MYB: variants seen among roughly 807,000 people sequenced by gnomAD.
MYB encodes the protein transcriptional activator Myb.
In MYB, 28 loss-of-function variants were observed where a neutral mutation model predicts 92.9. The observed-to-expected ratio is 0.30, with a 90% CI of 0.22 to 0.41. The LOEUF is 0.41. Among genes scored for constraint, MYB ranks in the 10% least tolerant of loss-of-function variants. The pLI is 1.00. For synonymous variants in MYB, 295 were observed against 329.1 expected (o/e 0.90, Z 1.12); for missense variants, 679 against 929.3 (o/e 0.73, Z 3.50).
intron 3 of MYB, among the ~76,000 whole-genome samples, chr6:135,188,798 C>A (rs1483519423): frequency 6.6e-6 from 1 of 152,198 alleles, no homozygotes; most frequent in Non-Finnish European, 1.5e-5. Flanking sequence ...GCATGAGCCA[C>A]CGTGCCCAGC....
intron 9 of MYB, chr6:135,196,729 TAG>T (rs1562376961): frequency 7.3e-6 from 11 of 1,497,896 alleles, no homozygotes; most frequent in South Asian, 1.2e-5. Flanking sequence ...CATGCAGATG[TAG>T]AGTGTCGGGA....
intron 15 of MYB, among the ~76,000 whole-genome samples, chr6:135,204,621 A>G (rs951102705): frequency 1.1e-4 from 16 of 152,206 alleles, no homozygotes; most frequent in African/African-American, 3.6e-4. Context: ...GTATTATTGT[A>G]AAATAAGGAT....
At position 135,181,492 on chromosome 6, in the gene MYB, G is replaced by C; in HGVS notation, c.-22G>C. 1 of 1,125,978 alleles carries C rather than the reference G, an allele frequency of 8.9e-7. No individual in the cohort carries two copies. The highest frequency in any genetic ancestry group is 1.1e-6 in the Non-Finnish European group (1 of 920,830). The allele number at this position is 1,125,978 out of a possible 1,614,324, so 69.7% of individuals were successfully genotyped here. ...CGGTGCGGTCCCCGCGGCTCTCGGC[G>C]GAGCCCCGCGCCCGCCGCGCCATGG... is the stretch of plus-strand genomic sequence containing the variant. On this transcript the variant is annotated 5_prime_UTR_variant, in exon 1 of 16. Coordinates refer to ENST00000341911, the MANE Select transcript of MYB (RefSeq NM_001130173.2). This position sits in a 1 kb window ranked among gnomAD's most constrained non-coding sequence, Gnocchi z 5.3.
intron 11 of MYB, chr6:135,199,731 G>A (rs1329417347): frequency 1.1e-5 from 3 of 272,898 alleles, no homozygotes; most frequent in African/African-American, 6.8e-5. Flanking sequence ...TTGTAGTATG[G>A]GCTCTGTTTT....
chr6:135,192,280 T>G, intron 5 of MYB, 44 bp from the exon 6 acceptor site: 5 of 1,508,630 alleles, frequency 3.3e-6, no homozygotes, highest in Non-Finnish European at 4.6e-6. Context: ...TAATCTGAAT[T>G]GAAATTTTTG....
intron 15 of MYB, among the ~76,000 whole-genome samples, chr6:135,216,265 C>A (rs755259035): frequency 1.3e-5 from 2 of 152,144 alleles, no homozygotes; most frequent in Non-Finnish European, 2.9e-5. Flanking sequence ...TGCTCAAGTC[C>A]CTGATATAAA....
At chr6:135,191,580 A>C (rs1016326032) in intron 5 of MYB, among the ~76,000 whole-genome samples, 1 of 152,326 alleles carries the variant, frequency 6.6e-6, no homozygotes. Context: ...TAACAGGGCT[A>C]TTGAACTTCC....
At chr6:135,202,933 T>C (rs769402670) in intron 14 of MYB, 1 of 642,650 alleles carries the variant, frequency 1.6e-6, no homozygotes, top group Non-Finnish European at 2.9e-6. Flanking sequence ...ATGTATTTAT[T>C]AATTCATTTA....
At position 135,218,104 on chromosome 6, in the gene MYB, G is replaced by A. The variant is rs980357860; in HGVS notation, c.*124G>A. The A allele has an allele frequency of 1.4e-6, 1 of 739,096 alleles. No individual in the cohort carries two copies. Among genetic ancestry groups the A allele is most frequent in the Non-Finnish European group, 2.4e-6 (1 of 424,472 alleles). 45.8% of individuals were successfully genotyped at this position (739,096 alleles called of 1,614,324 possible). ...CTATTTTTGTTGTGGTACAACAGTT[G>A]AGAGCAGCACCAAGTGCATTTAGTT... On this transcript the variant is annotated 3_prime_UTR_variant, in exon 16 of 16. Coordinates refer to ENST00000341911, the MANE Select transcript of MYB (RefSeq NM_001130173.2).
In MYB at chr6:135,181,408, C is replaced by A; in HGVS notation, c.-106C>A. 2.6e-6 allele frequency: 2 copies of A among 768,174 alleles called. No individual in the cohort carries two copies. The highest frequency in any genetic ancestry group is 3.3e-6 in the Non-Finnish European group (2 of 606,838). The allele number at this position is 768,174 out of a possible 1,614,324, so 47.6% of individuals were successfully genotyped here. On this transcript the variant is annotated 5_prime_UTR_variant, in exon 1 of 16. Transcript: ENST00000341911. The surrounding 1 kb of genome is among the most constrained non-coding windows in gnomAD (Gnocchi z 5.3). ...GAAACTTCGCCCCAGCGGTGCGGAGCGCCGCTGCGCAGCCGGGGAGGGACG... is the reference window on the plus strand; with the variant it reads ...GAAACTTCGCCCCAGCGGTGCGGAGAGCCGCTGCGCAGCCGGGGAGGGACG...
intron 4 of MYB, 99 bp downstream of exon 4, chr6:135,189,982 G>A: frequency 1.4e-6 from 2 of 1,411,560 alleles, no homozygotes; most frequent in Non-Finnish European, 2.0e-6. Flanking sequence ...GGGCAAACAG[G>A]AAGTAGAGGA....
intron 15 of MYB, among the ~76,000 whole-genome samples, chr6:135,216,847 A>G (rs566604013): frequency 6.6e-6 from 1 of 152,356 alleles, no homozygotes; most frequent in South Asian, 2.1e-4. Flanking sequence ...CAGGAGCTGG[A>G]GACAGCAAAG....
chr6:135,181,454 G>T lies in MYB; in HGVS notation c.-60G>T. 1.8e-6 allele frequency: 2 copies of T among 1,099,658 alleles called. No homozygotes were observed. The highest frequency in any genetic ancestry group is 2.2e-6 in the Non-Finnish European group (2 of 898,510). 68.1% of individuals were successfully genotyped at this position (1,099,658 alleles called of 1,614,324 possible). ...GGACGCAGGCAGGCGGCGGGCAGCG[G>T]GAGGCGGCAGCCCGGTGCGGTCCCC... On this transcript the variant is annotated 5_prime_UTR_variant, in exon 1 of 16. Coordinates refer to ENST00000341911, the MANE Select transcript of MYB (RefSeq NM_001130173.2). The surrounding 1 kb of genome is among the most constrained non-coding windows in gnomAD (Gnocchi z 5.3).
In MYB at chr6:135,199,297, AG is replaced by A. The variant is rs373857671; in HGVS notation, c.1709+248del. 7.9e-5 allele frequency among the ~76,000 whole-genome samples: 12 copies of A among 152,296 alleles called. No individual in the cohort carries two copies. In the East Asian group the frequency reaches 2.3e-3, roughly 29 times the overall value. ...CTCCAAAATTTCCTATATATGCACAAGTAGTTTTCATAAAACTTTTCCATTC... is the reference window on the plus strand; with the variant it reads ...CTCCAAAATTTCCTATATATGCACAATAGTTTTCATAAAACTTTTCCATTC... On this transcript the variant is annotated intron_variant, in intron 11 of 15. Transcript: ENST00000341911.
At chr6:135,214,986 T>C (rs1229938719) in intron 15 of MYB, among the ~76,000 whole-genome samples, 1 of 152,220 alleles carries the variant, frequency 6.6e-6, no homozygotes, top group Non-Finnish European at 1.5e-5. Context: ...TTTGAGATAC[T>C]CAGTTCCTGG....
intron 15 of MYB, among the ~76,000 whole-genome samples, chr6:135,206,773 C>T (rs1306479787): frequency 6.6e-6 from 1 of 152,154 alleles, no homozygotes; most frequent in Non-Finnish European, 1.5e-5. Flanking sequence ...TGTTGTTCTA[C>T]ATACTTGCCA....
chr6:135,203,398 T>TGGA (rs2128307026), intron 15 of MYB, 74 bp downstream of exon 15: 1 of 1,209,266 alleles, frequency 8.3e-7, no homozygotes, highest in Non-Finnish European at 1.2e-6. Context: ...GTGGTGGTGG[T>TGGA]GGTGGTGATG....
rs1012113138 is a variant in MYB, at chr6:135,181,904, T to A, written c.23+368T>A. On this transcript the variant is annotated intron_variant, in intron 1 of 15. Coordinates refer to ENST00000341911, the MANE Select transcript of MYB (RefSeq NM_001130173.2). This position sits in a 1 kb window ranked among gnomAD's most constrained non-coding sequence, Gnocchi z 5.3. Reference sequence around the variant, plus strand: ...TGATGCCGCGGGTGTCGGCGAGGGATCCGCAGCGTAATTGCTGGATGCATT... The same window carrying A: ...TGATGCCGCGGGTGTCGGCGAGGGAACCGCAGCGTAATTGCTGGATGCATT... Among the ~76,000 whole-genome samples the A allele has an allele frequency of 9.8e-5, 15 of 152,306 alleles. No homozygotes were observed. The highest frequency in any genetic ancestry group is 3.6e-4 in the African/African-American group (15 of 41,572).
intron 15 of MYB, among the ~76,000 whole-genome samples, chr6:135,216,510 A>G (rs1161029324): frequency 6.6e-6 from 1 of 152,196 alleles, no homozygotes. Flanking sequence ...TGTAAATGCT[A>G]TGGAAATAGT....
Sources: allele counts gnomAD v4.1 joint callset (sites outside exome capture counted in the v4.1 genomes callset), GRCh38; gene constraint gnomAD v4.1.1; non-coding constraint Gnocchi (gnomAD v3.1); transcripts MANE v1.5; gene names NCBI Gene and HGNC (gene_info 2026-07-23, HGNC 2026-07-21).